Variants in CDYL observed in about 807,000 individuals in gnomAD.
The protein encoded by CDYL is chromodomain Y like.
In CDYL, 8 loss-of-function variants were observed where a neutral mutation model predicts 47.3. The ratio of observed to expected loss-of-function variants is 0.17; its 90% CI spans 0.10 to 0.31. CDYL has a LOEUF of 0.31. CDYL is among the 10% of genes least tolerant of loss of function. The probability of loss-of-function intolerance (pLI) is 1.00; values close to 1 mark genes in which losing one functional copy is unlikely to be tolerated. For missense variants in CDYL, 471 were observed against 701.4 expected (o/e 0.67, Z 3.71); for synonymous variants, 266 against 265.0 (o/e 1.00, Z -0.04).
At chr6:4,820,684 A>G (rs967846798) in intron 1 of CDYL, among the ~76,000 whole-genome samples, 5 of 152,218 alleles carry the variant, frequency 3.3e-5, no homozygotes, top group African/African-American at 1.2e-4. Context: ...ATATGAAGGA[A>G]AACAGGACCA....
At chr6:4,856,416 C>T (rs1005030547) in intron 1 of CDYL, among the ~76,000 whole-genome samples, 2 of 152,048 alleles carry the variant, frequency 1.3e-5, no homozygotes, top group Non-Finnish European at 2.9e-5. Flanking sequence ...GTGCACAGTC[C>T]CTGAATGAGA....
intron 2 of CDYL, among the ~76,000 whole-genome samples, chr6:4,909,439 C>T (rs9405784): frequency 0.65 from 98,463 of 152,140 alleles, 34,341 homozygotes; most frequent in Non-Finnish European, 0.76. Flanking sequence ...CAATTGACAT[C>T]AGTCTTTATT....
At chr6:4,882,544 G>C (rs1761791793) in intron 1 of CDYL, among the ~76,000 whole-genome samples, 1 of 152,202 alleles carries the variant, frequency 6.6e-6, no homozygotes, top group South Asian at 2.1e-4. Context: ...GTGGAAAGCA[G>C]GCAAATTGTT....
Position 4,828,860 on chromosome 6 carries a change from G to A in CDYL, c.24+52053G>A, listed in dbSNP as rs114676684. 7.6e-3 allele frequency among the ~76,000 whole-genome samples: 1,159 copies of A among 151,614 alleles called. 19 individuals are homozygous for A. The highest frequency in any genetic ancestry group is 0.027 in the African/African-American group (1,110 of 41,074). ...TTTTAATTGTGCTATCTTCAAGTTC[G>A]TTGATTAATTTTTTTCTGTTAAAAA... On this transcript the variant is annotated intron_variant, in intron 1 of 6. Coordinates refer to ENST00000397588, the MANE Select transcript of CDYL (RefSeq NM_004824.4).
At chr6:4,938,013 G>A (rs1002746563) in intron 4 of CDYL, among the ~76,000 whole-genome samples, 21 of 152,318 alleles carry the variant, frequency 1.4e-4, no homozygotes, top group African/African-American at 5.1e-4. Flanking sequence ...AACCCTGCAA[G>A]TGTTCGGAGA....
rs931118046 is a variant in CDYL at position 4,715,717 on chromosome 6, C to T, written c.-38-24C>T. 15 of 1,604,624 alleles carry T rather than the reference C, an allele frequency of 9.3e-6. No individual in the cohort carries two copies. In the African/African-American group the frequency reaches 1.2e-4, roughly 13 times the overall value. The stretch of plus-strand genomic sequence containing the variant: ...TTTTCCCATGTACTGTAGTAAATTC[C>T]TCTTGTTGGGATTGTAATTGCAGGT... On this transcript the variant is annotated intron_variant, in intron 1 of 8. Transcript: ENST00000328908.
intron 2 of CDYL, among the ~76,000 whole-genome samples, 193 bp from the exon 3 acceptor site, chr6:4,935,322 T>C (rs1284313518): frequency 6.6e-6 from 1 of 152,222 alleles, no homozygotes; most frequent in East Asian, 1.9e-4. Flanking sequence ...AGTGACTTTC[T>C]TGTCAGAGCT....
At chr6:4,799,951 C>T (rs910393493) in intron 1 of CDYL, among the ~76,000 whole-genome samples, 1 of 152,014 alleles carries the variant, frequency 6.6e-6, no homozygotes, top group Admixed American at 6.6e-5. Flanking sequence ...TCTAGTAATA[C>T]TTTTCGAAGT....
intron 1 of CDYL, among the ~76,000 whole-genome samples, chr6:4,789,674 C>T (rs972544553): frequency 6.6e-6 from 1 of 152,216 alleles, no homozygotes; most frequent in Non-Finnish European, 1.5e-5. Context: ...TATCTGAACT[C>T]TGGGTTCAGC....
intron 2 of CDYL, among the ~76,000 whole-genome samples, chr6:4,717,672 T>TGAAGCTTAGGCAACA (rs1757290392): frequency 9.2e-6 from 1 of 108,708 alleles, no homozygotes; most frequent in Non-Finnish European, 1.7e-5. Flanking sequence ...GTCATTGCAC[T>TGAAGCTTAGGCAACA]GAAGCTTAGG....
At chr6:4,910,946 G>A (rs1462873442) in intron 2 of CDYL, among the ~76,000 whole-genome samples, 1 of 151,908 alleles carries the variant, frequency 6.6e-6, no homozygotes. Context: ...CCATTCTCCT[G>A]CCTCAGCCTC....
chr6:4,923,231 C>T (rs79686553), intron 2 of CDYL, among the ~76,000 whole-genome samples: 5,134 of 152,216 alleles, frequency 0.034, 94 homozygotes, highest in Middle Eastern at 0.082. Flanking sequence ...CTCCCCCCAC[C>T]CACTACTTCC....
chr6:4,901,679 A>T (rs936932356), intron 2 of CDYL, among the ~76,000 whole-genome samples: 3 of 152,178 alleles, frequency 2.0e-5, no homozygotes, highest in Non-Finnish European at 2.9e-5. Flanking sequence ...CTGATAAGTG[A>T]ATTTTTTATA....
intron 1 of CDYL, among the ~76,000 whole-genome samples, chr6:4,862,967 G>A (rs1761215424): frequency 6.6e-6 from 1 of 152,256 alleles, no homozygotes; most frequent in African/African-American, 2.4e-5. Context: ...CCTATCAACA[G>A]TGTACTGGAT....
chr6:4,892,474 G>T, intron 2 of CDYL, 95 bp downstream of exon 2: 1 of 1,283,292 alleles, frequency 7.8e-7, no homozygotes, highest in Non-Finnish European at 1.1e-6. Flanking sequence ...AGAGTCCGGG[G>T]CTTCTCACGG....
intron 2 of CDYL, among the ~76,000 whole-genome samples, chr6:4,914,492 G>A (rs1216266429): frequency 2.6e-5 from 4 of 152,146 alleles, no homozygotes; most frequent in African/African-American, 4.8e-5. Context: ...GTGTTCTGCC[G>A]CAGTTGAGAC....
chr6:4,777,769 T>C (rs1758510008), intron 1 of CDYL, among the ~76,000 whole-genome samples: 1 of 152,208 alleles, frequency 6.6e-6, no homozygotes, highest in Admixed American at 6.5e-5. Context: ...ATCCTTTCAG[T>C]TGTCTTCTCT....
chr6:4,810,203 G>A (rs1759486728), intron 1 of CDYL, among the ~76,000 whole-genome samples: 1 of 152,092 alleles, frequency 6.6e-6, no homozygotes, highest in Non-Finnish European at 1.5e-5. Flanking sequence ...TGTGTGATGG[G>A]TTACCCTTTG....
At chr6:4,778,347 A>T (rs1291008770) in intron 1 of CDYL, among the ~76,000 whole-genome samples, 1 of 152,182 alleles carries the variant, frequency 6.6e-6, no homozygotes. Flanking sequence ...CTTATACGTA[A>T]GTTGTATCCT....
Sources: allele counts gnomAD v4.1 joint callset (sites outside exome capture counted in the v4.1 genomes callset), GRCh38; gene constraint gnomAD v4.1.1; transcripts MANE v1.5; gene names NCBI Gene and HGNC (gene_info 2026-07-23, HGNC 2026-07-21).